Variants in MGAT4D observed in about 807,000 individuals in gnomAD.
MGAT4D encodes alpha-1,3-mannosyl-glycoprotein 4-beta-N-acetylglucosaminyltransferase-like protein MGAT4D.
In MGAT4D, 34 loss-of-function variants were observed where a neutral mutation model predicts 15.9. That is an observed-to-expected ratio of 2.14 (90% CI 1.62 to 2.84). The LOEUF (loss-of-function observed/expected upper bound fraction) is 2.84, where lower values mean the gene tolerates loss of function less well. MGAT4D is among the 30% of genes most tolerant of loss of function. The pLI, the probability that MGAT4D is intolerant of heterozygous loss-of-function variation, is 0.00. For synonymous variants in MGAT4D, 112 were observed against 48.2 expected, an observed-to-expected ratio of 2.33 and a Z score of -5.49; for missense variants, 327 against 140.2, an observed-to-expected ratio of 2.33 and a Z score of -6.73.
chr4:140,454,630 T>C (rs1370816331), intron 9 of MGAT4D, among the ~76,000 whole-genome samples: 1 of 152,206 alleles, frequency 6.6e-6, no homozygotes, highest in African/African-American at 2.4e-5. Context: ...AATTGGGATG[T>C]ACCCTTTCCT....
chr4:140,493,685 TA>T (rs1733655121), intron 1 of MGAT4D, among the ~76,000 whole-genome samples: 2 of 152,334 alleles, frequency 1.3e-5, no homozygotes, highest in East Asian at 3.9e-4. Context: ...CAAGAGTTTC[TA>T]AAAATTGTGT....
chr4:140,461,065 T>C (rs1731141952), intron 7 of MGAT4D, among the ~76,000 whole-genome samples: 1 of 152,154 alleles, frequency 6.6e-6, no homozygotes, highest in Non-Finnish European at 1.5e-5. Flanking sequence ...ATGAGTTTTC[T>C]TTTTTATTTA....
intron 9 of MGAT4D, among the ~76,000 whole-genome samples, chr4:140,455,380 T>A (rs1382645111): frequency 6.6e-6 from 1 of 152,232 alleles, no homozygotes; most frequent in African/African-American, 2.4e-5. Flanking sequence ...TTTTCAGTTA[T>A]CTTTATGTTG....
At chr4:140,467,399 C>T (rs527921627) in intron 5 of MGAT4D, among the ~76,000 whole-genome samples, 10 of 152,200 alleles carry the variant, frequency 6.6e-5, no homozygotes, top group South Asian at 2.1e-4. Context: ...CATCAAGTTG[C>T]AGCATACACA....
At chr4:140,489,955 T>C (rs754287744) in intron 1 of MGAT4D, among the ~76,000 whole-genome samples, 29 of 152,184 alleles carry the variant, frequency 1.9e-4, no homozygotes, top group Non-Finnish European at 3.1e-4. Flanking sequence ...TGTACACTCA[T>C]TTCAACCCTA....
chr4:140,462,373 T>C (rs1731247122), intron 6 of MGAT4D: 1 of 161,040 alleles, frequency 6.2e-6, no homozygotes, highest in African/African-American at 2.4e-5. Flanking sequence ...ACTAACAGCT[T>C]TCTTTATTGA....
intron 5 of MGAT4D, among the ~76,000 whole-genome samples, chr4:140,469,283 T>C (rs1341168038): frequency 6.6e-6 from 1 of 152,194 alleles, no homozygotes; most frequent in African/African-American, 2.4e-5. Flanking sequence ...CAGCTGCCCC[T>C]TTTTTGCTTA....
intron 3 of MGAT4D, among the ~76,000 whole-genome samples, chr4:140,477,383 C>A (rs565307268): frequency 1.6e-4 from 24 of 152,270 alleles, no homozygotes; most frequent in African/African-American, 5.5e-4. Context: ...CACCCCATAT[C>A]CCAGGGCCTA....
At chr4:140,482,273 A>T in intron 2 of MGAT4D, 54 bp downstream of exon 2, 1 of 574,868 alleles carries the variant, frequency 1.7e-6, no homozygotes, top group Admixed American at 3.5e-5. Context: ...AAATCATAAG[A>T]CATTGAATCT....
chr4:140,452,334 T>A (rs1038982410), intron 9 of MGAT4D, among the ~76,000 whole-genome samples: 1 of 152,180 alleles, frequency 6.6e-6, no homozygotes, highest in African/African-American at 2.4e-5. Context: ...TTTATTTAGA[T>A]GCATTTCTAC....
Position 140,459,602 on chromosome 4 carries a change from C to CCTG in MGAT4D, c.786_787insCAG (p.Lys262_Glu263insGln). On this transcript the variant is annotated inframe_insertion, in exon 8 of 11. Coordinates refer to ENST00000511113, the MANE Select transcript of MGAT4D (RefSeq NM_001277353.2). The stretch of plus-strand genomic sequence containing the variant: ...TCTGTTATTTTTGTAAAGTACATCT[C>CCTG]TTTAGCTATGATATCATCTTCTAGC... The CCTG allele has an allele frequency of 2.0e-6, 1 of 501,076 alleles. No homozygotes were observed. The allele number at this position is 501,076 out of a possible 1,614,324, so 31.0% of individuals were successfully genotyped here.
At chr4:140,444,617 A>G (rs1408465674) in intron 10 of MGAT4D, among the ~76,000 whole-genome samples, 3 of 152,184 alleles carry the variant, frequency 2.0e-5, no homozygotes, top group African/African-American at 7.2e-5. Flanking sequence ...TATCCAGTCT[A>G]TCGCTGATAG....
intron 6 of MGAT4D, among the ~76,000 whole-genome samples, chr4:140,463,235 C>A (rs1198028349): frequency 6.6e-6 from 1 of 152,112 alleles, no homozygotes; most frequent in Non-Finnish European, 1.5e-5. Flanking sequence ...TCACAGAGTT[C>A]TTTGGGGAAG....
intron 1 of MGAT4D, among the ~76,000 whole-genome samples, chr4:140,494,037 C>G (rs764512051): frequency 6.6e-6 from 1 of 151,906 alleles, no homozygotes; most frequent in Non-Finnish European, 1.5e-5. Flanking sequence ...ACTAGGGGCT[C>G]CTGGAGTGGT....
chr4:140,456,862 A>C (rs1420241454), intron 8 of MGAT4D, 143 bp from the exon 9 acceptor site: 1 of 456,814 alleles, frequency 2.2e-6, no homozygotes, highest in Non-Finnish European at 3.9e-6. Flanking sequence ...AAGTTAGACA[A>C]TGATAAAATT....
At chr4:140,459,488 C>T (rs1430807069) in intron 8 of MGAT4D, 24 bp downstream of exon 8, 3 of 430,662 alleles carry the variant, frequency 7.0e-6, no homozygotes, top group Non-Finnish European at 1.2e-5. Flanking sequence ...AAACTTGATC[C>T]AACAAAGTAA....
intron 1 of MGAT4D, among the ~76,000 whole-genome samples, chr4:140,485,968 C>G: frequency 6.6e-6 from 1 of 151,758 alleles, no homozygotes; most frequent in East Asian, 1.9e-4. Context: ...CTCCCCTGCT[C>G]AAAACCCTCC....
intron 1 of MGAT4D, among the ~76,000 whole-genome samples, chr4:140,483,812 C>T (rs573543579): frequency 6.6e-6 from 1 of 152,004 alleles, no homozygotes; most frequent in African/African-American, 2.4e-5. Context: ...TATCCACATG[C>T]AGAAGAACGA....
rs186314485 is a variant in MGAT4D, at chr4:140,456,996, C to A, written c.878-277G>T. On this transcript the variant is annotated intron_variant, in intron 8 of 10. Transcript: ENST00000511113. ...ACTCATGAGGATTGATTGTCTAAAT[C>A]AAGTGAAAGACAAGTGAATAGAATG... The A allele has an allele frequency of 4.5e-4, 80 of 178,412 alleles. 1 individual carries two copies. The highest frequency in any genetic ancestry group is 1.2e-3 in the Admixed American group (19 of 16,206). 11.1% of individuals were successfully genotyped at this position (178,412 alleles called of 1,614,324 possible).
Sources: allele counts gnomAD v4.1 joint callset (sites outside exome capture counted in the v4.1 genomes callset), GRCh38; gene constraint gnomAD v4.1.1; transcripts MANE v1.5; gene names NCBI Gene and HGNC (gene_info 2026-07-23, HGNC 2026-07-21).